Variants in SGIP1 observed in about 807,000 individuals in gnomAD.
SGIP1 encodes SH3-containing GRB2-like protein 3-interacting protein 1.
SGIP1 carries 38 observed loss-of-function variants against 107.5 expected under a neutral mutation model. That is an observed-to-expected ratio of 0.35 (90% CI 0.27 to 0.46). The LOEUF is 0.46. Among genes scored for constraint, SGIP1 ranks in the 20% least tolerant of loss-of-function variants. The pLI is 1.00. For synonymous variants in SGIP1, 365 were observed against 366.1 expected (o/e 1.00, Z 0.03); for missense variants, 929 against 1,019.5 (o/e 0.91, Z 1.21).
In SGIP1 at chr1:66,643,657, G is replaced by A. The variant is rs746880492; in HGVS notation, c.397G>A (p.Ala133Thr). Residue 133 changes from alanine to threonine, a missense_variant, in exon 7 of 25, where the codon GCT becomes ACT. Physicochemically the swap from Ala to Thr is moderately conservative, Grantham distance 58 (BLOSUM62 0). Coordinates refer to ENST00000371037, the MANE Select transcript of SGIP1 (RefSeq NM_032291.4). Reference protein sequence around the residue: ...PLQSKDILKNAATVDELKASI... With the variant: ...PLQSKDILKNTATVDELKASI... ...GCAATCTAAAGACATTCTTAAGAAT[G>A]CTGCAACTGTAGATGAATTGAAGGC... 3.1e-6 allele frequency: 5 copies of A among 1,612,132 alleles called. No homozygotes were observed. The East Asian group carries it at 8.9e-5, about 29-fold the overall frequency.
chr1:66,597,017 C>A (rs1357299855), intron 1 of SGIP1, among the ~76,000 whole-genome samples: 1 of 152,082 alleles, frequency 6.6e-6, no homozygotes, highest in Non-Finnish European at 1.5e-5. Context: ...CCTCATCTGG[C>A]CTGACTTATC....
intron 1 of SGIP1, among the ~76,000 whole-genome samples, chr1:66,579,987 C>T (rs1266768216): frequency 6.6e-6 from 1 of 152,146 alleles, no homozygotes; most frequent in Admixed American, 6.6e-5. Context: ...AATCACTCCT[C>T]ACCTTCTCCA....
intron 2 of SGIP1, among the ~76,000 whole-genome samples, chr1:66,631,615 T>C (rs1403429743): frequency 2.0e-5 from 3 of 151,968 alleles, no homozygotes; most frequent in Non-Finnish European, 2.9e-5. Context: ...GAATCACACC[T>C]TGGAGTCCAG....
intron 1 of SGIP1, among the ~76,000 whole-genome samples, chr1:66,543,833 T>C (rs2055631603): frequency 6.6e-6 from 1 of 152,144 alleles, no homozygotes; most frequent in Admixed American, 6.5e-5. Flanking sequence ...GTAGAGTCAT[T>C]ATGAAGAGCA....
At chr1:66,550,644 T>C (rs1396512211) in intron 1 of SGIP1, among the ~76,000 whole-genome samples, 1 of 152,218 alleles carries the variant, frequency 6.6e-6, no homozygotes, top group Non-Finnish European at 1.5e-5. Flanking sequence ...CTATCATTTC[T>C]TGAGCTCCTG....
At chr1:66,611,248 C>A (rs1339865933) in intron 1 of SGIP1, among the ~76,000 whole-genome samples, 1 of 152,164 alleles carries the variant, frequency 6.6e-6, no homozygotes, top group African/African-American at 2.4e-5. Context: ...GAGATAAGAT[C>A]CATTTTGTGG....
chr1:66,724,854 G>GAGCC (rs2093687237), intron 19 of SGIP1, among the ~76,000 whole-genome samples: 1 of 152,156 alleles, frequency 6.6e-6, no homozygotes, highest in Non-Finnish European at 1.5e-5. Flanking sequence ...AAGAACAGTT[G>GAGCC]AGCCACCACT....
chr1:66,609,440 C>A (rs1385055797), intron 1 of SGIP1, among the ~76,000 whole-genome samples: 1 of 152,056 alleles, frequency 6.6e-6, no homozygotes, highest in East Asian at 1.9e-4. Context: ...AATGTGCAGA[C>A]TTGTTTAGGG....
intron 12 of SGIP1, 143 bp downstream of exon 12, chr1:66,673,509 G>T (rs2084384144): frequency 2.9e-6 from 2 of 697,782 alleles, no homozygotes; most frequent in Non-Finnish European, 4.3e-6. Flanking sequence ...TAGGTGTGCT[G>T]TCAAGAACAG....
chr1:66,591,791 T>C (rs2148889824), intron 1 of SGIP1, among the ~76,000 whole-genome samples: 1 of 152,310 alleles, frequency 6.6e-6, no homozygotes, highest in East Asian at 1.9e-4. Flanking sequence ...GTGGCAGGAC[T>C]ATAGGGTAAT....
intron 13 of SGIP1, among the ~76,000 whole-genome samples, chr1:66,679,108 C>T (rs2086052006): frequency 6.6e-6 from 1 of 152,070 alleles, no homozygotes; most frequent in Admixed American, 6.5e-5. Context: ...CCTCCTTGAC[C>T]CAAGCAGTTA....
At position 66,548,181 on chromosome 1, in the gene SGIP1, C is replaced by T. The variant is rs374515512; in HGVS notation, c.10+13813C>T. Among the ~76,000 whole-genome samples, 18 of 152,080 alleles carry T rather than the reference C, an allele frequency of 1.2e-4. No individual in the cohort carries two copies. The East Asian group carries it at 1.7e-3, about 15-fold the overall frequency. ...ATCTTTAGACAATTACTTGGGTTGT[C>T]GGATGGACTTTAGTAGCTACAGATG... is the stretch of plus-strand genomic sequence containing the variant. On this transcript the variant is annotated intron_variant, in intron 1 of 24. Transcript: ENST00000371037.
intron 1 of SGIP1, among the ~76,000 whole-genome samples, chr1:66,586,586 A>G (rs2062653712): frequency 6.6e-6 from 1 of 152,122 alleles, no homozygotes; most frequent in Non-Finnish European, 1.5e-5. Context: ...ATAAAACCTT[A>G]CTTTCCTTTA....
chr1:66,696,146 T>A (rs2090878265), intron 18 of SGIP1, among the ~76,000 whole-genome samples: 1 of 152,220 alleles, frequency 6.6e-6, no homozygotes, highest in Non-Finnish European at 1.5e-5. Flanking sequence ...GTCAAATATC[T>A]AACCTCATTC....
At chr1:66,698,306 A>G (rs2091303611) in intron 18 of SGIP1, among the ~76,000 whole-genome samples, 1 of 152,030 alleles carries the variant, frequency 6.6e-6, no homozygotes, top group Non-Finnish European at 1.5e-5. Flanking sequence ...CTTCACTGAA[A>G]TATTAATTTA....
At position 66,566,522 on chromosome 1, in the gene SGIP1, A is replaced by C. The variant is rs144980637; in HGVS notation, c.10+32154A>C. ...GCAGCAGAATCTAGTCCAGTGGAAT[A>C]GCACCATTTAAGAGTGTGTTGACCT... On this transcript the variant is annotated intron_variant, in intron 1 of 24. Coordinates refer to ENST00000371037, the MANE Select transcript of SGIP1 (RefSeq NM_032291.4). Among the ~76,000 whole-genome samples the C allele has an allele frequency of 3.1e-3, 465 of 152,106 alleles. 2 individuals are homozygous for C. The highest frequency in any genetic ancestry group is 0.011 in the African/African-American group (440 of 41,528).
intron 8 of SGIP1, among the ~76,000 whole-genome samples, chr1:66,663,699 T>G (rs970484618): frequency 2.0e-5 from 3 of 152,178 alleles, no homozygotes; most frequent in Non-Finnish European, 4.4e-5. Context: ...TGAACAGCTA[T>G]TCCCTGCTGA....
intron 18 of SGIP1, among the ~76,000 whole-genome samples, chr1:66,702,813 A>G (rs995462179): frequency 6.6e-6 from 1 of 152,212 alleles, no homozygotes; most frequent in African/African-American, 2.4e-5. Context: ...ATAGATAAAC[A>G]TTGGGCAACA....
chr1:66,590,851 CT>C (rs2063500397), intron 1 of SGIP1, among the ~76,000 whole-genome samples: 1 of 148,512 alleles, frequency 6.7e-6, no homozygotes, highest in African/African-American at 2.5e-5. Context: ...TTCCAAAGTG[CT>C]AGAGTTACAG....
Sources: gnomAD v4.1 joint callset for allele counts (sites outside exome capture counted in the v4.1 genomes callset) on GRCh38, gnomAD v4.1.1 for gene constraint, MANE v1.5 for transcripts, NCBI Gene and HGNC (gene_info 2026-07-23, HGNC 2026-07-21) for gene names.